The following TTLL11 variants were observed in gnomAD, a reference collection of about 807,000 sequenced individuals.
TTLL11 encodes the protein tubulin polyglutamylase TTLL11.
TTLL11 carries 42 observed loss-of-function variants against 51.7 expected under a neutral mutation model. That is an observed-to-expected ratio of 0.81 (90% CI 0.64 to 1.05). The LOEUF (loss-of-function observed/expected upper bound fraction) is 1.05. Among genes scored for constraint, TTLL11 ranks in the 50% least tolerant of loss-of-function variants. The probability of loss-of-function intolerance (pLI) is 0.00; values close to 1 mark genes in which losing one functional copy is unlikely to be tolerated. For synonymous variants in TTLL11, 381 were observed against 383.5 expected (o/e 0.99, Z 0.08); for missense variants, 799 against 940.4 (o/e 0.85, Z 1.97).
intron 1 of TTLL11, among the ~76,000 whole-genome samples, chr9:122,043,388 G>C (rs746151197): frequency 6.6e-6 from 1 of 152,162 alleles, no homozygotes; most frequent in African/African-American, 2.4e-5. Context: ...ATTCAATAGG[G>C]AAAGGGCAGT....
At chr9:121,901,244 G>T (rs553677176) in intron 6 of TTLL11, among the ~76,000 whole-genome samples, 4 of 152,184 alleles carry the variant, frequency 2.6e-5, no homozygotes, top group Non-Finnish European at 5.9e-5. Flanking sequence ...TTTTAGCAGA[G>T]TCTTTAGGGT....
intron 1 of TTLL11, among the ~76,000 whole-genome samples, chr9:122,079,602 G>A (rs902270962): frequency 1.3e-5 from 2 of 151,924 alleles, no homozygotes; most frequent in African/African-American, 2.4e-5. Context: ...CCAGCTACTC[G>A]GGAGGCTGAG....
intron 1 of TTLL11, among the ~76,000 whole-genome samples, chr9:122,075,714 C>T (rs1588260553): frequency 6.6e-6 from 1 of 152,148 alleles, no homozygotes; most frequent in African/African-American, 2.4e-5. Context: ...TAAGTAATCT[C>T]AAGCAGAGTC....
intron 6 of TTLL11, among the ~76,000 whole-genome samples, chr9:121,898,673 A>G (rs1839639947): frequency 6.6e-6 from 1 of 152,190 alleles, no homozygotes; most frequent in Non-Finnish European, 1.5e-5. Context: ...ATGGCACTTA[A>G]TGGGAGCAGG....
chr9:121,895,519 G>C lies in TTLL11; in HGVS notation c.1482-24771C>G, dbSNP rs117602718. Among the ~76,000 whole-genome samples the C allele has an allele frequency of 9.5e-4, 143 of 151,132 alleles. 3 individuals are homozygous for C. In the East Asian group the frequency reaches 0.025, roughly 26 times the overall value. ...GTTGTGTGTAGTTTTGTGTTTGTAT[G>C]ACTGTGACTGTGACTGTGTGTTTCG... On this transcript the variant is annotated intron_variant, in intron 6 of 8. Coordinates refer to ENST00000321582, the MANE Select transcript of TTLL11 (RefSeq NM_001139442.2).
intron 6 of TTLL11, among the ~76,000 whole-genome samples, chr9:121,954,717 C>A (rs1841968287): frequency 6.6e-6 from 1 of 152,024 alleles, no homozygotes; most frequent in Admixed American, 6.6e-5. Flanking sequence ...CACACACATA[C>A]TCCAGATGAT....
intron 8 of TTLL11, among the ~76,000 whole-genome samples, chr9:121,823,740 C>T (rs1457807270): frequency 1.3e-5 from 2 of 152,116 alleles, no homozygotes; most frequent in South Asian, 2.1e-4. Flanking sequence ...GTAAATTTTA[C>T]CCCCCAAAGT....
intron 3 of TTLL11, among the ~76,000 whole-genome samples, chr9:122,029,489 T>G (rs1399847561): frequency 2.6e-5 from 4 of 152,206 alleles, no homozygotes; most frequent in African/African-American, 9.7e-5. Context: ...TGTCTTGGTT[T>G]TCTAACAAAA....
In TTLL11 at chr9:121,893,764, C is replaced by T. The variant is rs149902724; in HGVS notation, c.1482-23016G>A. Among the ~76,000 whole-genome samples, 214 of 152,230 alleles carry T rather than the reference C, an allele frequency of 1.4e-3. 1 individual carries two copies. The highest frequency in any genetic ancestry group is 4.8e-3 in the African/African-American group (200 of 41,536). On this transcript the variant is annotated intron_variant, in intron 6 of 8. Transcript: ENST00000321582. ...ACTTACGTCTACTCAATGGGCAGTA[C>T]CCAAGGATGGAAAGCTTTGAAAGCT...
chr9:121,939,103 G>A (rs1179258501), intron 6 of TTLL11, among the ~76,000 whole-genome samples: 2 of 152,212 alleles, frequency 1.3e-5, no homozygotes, highest in East Asian at 1.9e-4. Flanking sequence ...AGCTGTGCTT[G>A]TAATAGCAGG....
chr9:121,889,487 T>C (rs1371084917), intron 6 of TTLL11, among the ~76,000 whole-genome samples: 3 of 152,204 alleles, frequency 2.0e-5, no homozygotes, highest in Non-Finnish European at 1.5e-5. Context: ...ACTTTTCTCA[T>C]AGTTCTCCAC....
At chr9:122,073,704 T>C (rs1381912254) in intron 1 of TTLL11, among the ~76,000 whole-genome samples, 1 of 152,172 alleles carries the variant, frequency 6.6e-6, no homozygotes, top group East Asian at 1.9e-4. Flanking sequence ...ATCCAGAAAG[T>C]AGCCAGAACC....
At chr9:121,888,976 G>A (rs928336512) in intron 6 of TTLL11, among the ~76,000 whole-genome samples, 4 of 152,200 alleles carry the variant, frequency 2.6e-5, no homozygotes, top group Non-Finnish European at 2.9e-5. Flanking sequence ...TTTGCCCAAG[G>A]ACACATAGCT....
At chr9:121,916,965 T>A (rs1045452708) in intron 6 of TTLL11, among the ~76,000 whole-genome samples, 4 of 152,182 alleles carry the variant, frequency 2.6e-5, no homozygotes, top group Non-Finnish European at 4.4e-5. Flanking sequence ...CCTAACATAT[T>A]ACATTCTGTT....
chr9:122,018,115 T>C lies in TTLL11; in HGVS notation c.693+13608A>G, dbSNP rs1270053950. On this transcript the variant is annotated intron_variant, in intron 3 of 8. Transcript: ENST00000321582. Reference sequence around the variant, plus strand: ...TACTAAAATAATAATGCCACTTTTTTTTTTTTTTTTTTTTTGAGACAGAGT... The same window carrying C: ...TACTAAAATAATAATGCCACTTTTTCTTTTTTTTTTTTTTTGAGACAGAGT... Among the ~76,000 whole-genome samples the C allele has an allele frequency of 1.3e-4, 18 of 136,604 alleles. No individual in the cohort carries two copies. The East Asian group carries it at 2.9e-3, about 22-fold the overall frequency. 89.6% of individuals were successfully genotyped at this position (136,604 alleles called of 152,430 possible). A position where few individuals can be genotyped will look rare whatever the true frequency, so the allele number is the denominator to read the frequency against.
intron 6 of TTLL11, among the ~76,000 whole-genome samples, chr9:121,913,699 C>T (rs1588120328): frequency 6.6e-6 from 1 of 152,194 alleles, no homozygotes; most frequent in East Asian, 1.9e-4. Flanking sequence ...ACTGAACTGA[C>T]ACCTGAAGGC....
In TTLL11 at chr9:121,872,692, C is replaced by T. The variant is rs563941365; in HGVS notation, c.1482-1944G>A. Among the ~76,000 whole-genome samples, 35 of 152,296 alleles carry T rather than the reference C, an allele frequency of 2.3e-4. 1 individual carries two copies. The highest frequency in any genetic ancestry group is 6.3e-4 in the African/African-American group (26 of 41,564). On this transcript the variant is annotated intron_variant, in intron 6 of 8. Transcript: ENST00000321582. ...TAAAAAGTCCTGGAAGGCCTATTCCCGGTTCCTCCTTAGTGGGTCTTGATG... is the reference window on the plus strand; with the variant it reads ...TAAAAAGTCCTGGAAGGCCTATTCCTGGTTCCTCCTTAGTGGGTCTTGATG...
chr9:121,912,342 T>A lies in TTLL11; in HGVS notation c.1482-41594A>T, dbSNP rs546116291. Among the ~76,000 whole-genome samples the A allele has an allele frequency of 1.6e-4, 24 of 152,280 alleles. No homozygotes were observed. The South Asian group carries it at 4.1e-3, about 26-fold the overall frequency. ...CACTTCAAACCCGGGTCCCCGAGGATGCACAAGCACATCAGGAGATCTTCC... is the reference window on the plus strand; with the variant it reads ...CACTTCAAACCCGGGTCCCCGAGGAAGCACAAGCACATCAGGAGATCTTCC... On this transcript the variant is annotated intron_variant, in intron 6 of 8. Transcript: ENST00000321582.
intron 6 of TTLL11, among the ~76,000 whole-genome samples, chr9:121,923,138 T>G (rs1840599721): frequency 6.6e-6 from 1 of 152,234 alleles, no homozygotes; most frequent in Non-Finnish European, 1.5e-5. Context: ...TTTAGCCCTG[T>G]GATTCTAGAG....
Sources: gnomAD v4.1 joint callset for allele counts (sites outside exome capture counted in the v4.1 genomes callset) on GRCh38, gnomAD v4.1.1 for gene constraint, MANE v1.5 for transcripts, NCBI Gene and HGNC (gene_info 2026-07-23, HGNC 2026-07-21) for gene names.